GSG1L2: variants seen among roughly 807,000 people sequenced by gnomAD.
GSG1L2 encodes the protein GSG1 like 2.
Under a neutral mutation model 9.0 loss-of-function variants are expected in GSG1L2, and 15 were observed. The ratio of observed to expected loss-of-function variants is 1.67; its 90% CI spans 1.12 to 2.57. The LOEUF (loss-of-function observed/expected upper bound fraction) is 2.57, where lower values mean the gene tolerates loss of function less well. GSG1L2 is among the 30% of genes most tolerant of loss of function. GSG1L2 has a pLI of 0.00. For synonymous variants in GSG1L2, 127 were observed against 57.9 expected, an observed-to-expected ratio of 2.19 and a Z score of -5.41; for missense variants, 286 against 150.3, an observed-to-expected ratio of 1.90 and a Z score of -4.72.
chr17:9,803,399 G>A (rs894295418), intron 4 of GSG1L2, among the ~76,000 whole-genome samples: 7 of 152,154 alleles, frequency 4.6e-5, no homozygotes, highest in Non-Finnish European at 1.0e-4. Flanking sequence ...CACCGCGCCC[G>A]ACCAGCATCA....
Position 9,820,786 on chromosome 17 carries a change from G to A in GSG1L2, c.310+976C>T, listed in dbSNP as rs2066586121. Among the ~76,000 whole-genome samples, 1 of 151,820 alleles carries A rather than the reference G, an allele frequency of 6.6e-6. No individual in the cohort carries two copies. Among genetic ancestry groups the A allele is most frequent in the African/African-American group, 2.4e-5 (1 of 41,308 alleles). ...CAAGTGATCCTCCCAGAGTAGCTGG[G>A]ACCACAGGCACACCCCACCATGTCC... On this transcript the variant is annotated intron_variant, in intron 1 of 4. Transcript: ENST00000399363. The surrounding 1 kb of genome is among the most constrained non-coding windows in gnomAD (Gnocchi z 4.9).
chr17:9,816,503 CCTGT>C (rs1319198953), intron 1 of GSG1L2, among the ~76,000 whole-genome samples: 3 of 113,260 alleles, frequency 2.6e-5, no homozygotes, highest in Non-Finnish European at 5.3e-5. Context: ...TCTGTGTGTG[CCTGT>C]CTGTGTGTGC....
At chr17:9,817,674 C>T (rs548132798) in intron 1 of GSG1L2, among the ~76,000 whole-genome samples, 1 of 152,256 alleles carries the variant, frequency 6.6e-6, no homozygotes, top group South Asian at 2.1e-4. Context: ...ATCTGCCCTC[C>T]TTAGCCTCAC....
chr17:9,810,547 G>A (rs1204556244), intron 2 of GSG1L2, 24 bp downstream of exon 2: 1 of 702,864 alleles, frequency 1.4e-6, no homozygotes. Context: ...GTGCTAGTGG[G>A]CAGAGTGTGA....
intron 4 of GSG1L2, among the ~76,000 whole-genome samples, chr17:9,806,511 T>C (rs543295151): frequency 1.2e-3 from 177 of 152,188 alleles, no homozygotes; most frequent in Non-Finnish European, 2.0e-3. Context: ...TTGAAAGTAA[T>C]AGAAAACAAA....
At chr17:9,806,782 C>T (rs893474563) in intron 4 of GSG1L2, among the ~76,000 whole-genome samples, 3 of 152,114 alleles carry the variant, frequency 2.0e-5, no homozygotes, top group Non-Finnish European at 2.9e-5. Flanking sequence ...CCCAGAGAAA[C>T]ATTTGTAAAA....
At chr17:9,809,160 T>C (rs1477511824) in intron 2 of GSG1L2, 178 bp from the exon 3 acceptor site, 9 of 590,614 alleles carry the variant, frequency 1.5e-5, no homozygotes, top group Admixed American at 2.8e-5. Flanking sequence ...TCCTCAGGGC[T>C]GAAAGAGACG....
intron 1 of GSG1L2, among the ~76,000 whole-genome samples, chr17:9,819,344 A>G (rs1434283881): frequency 2.0e-5 from 3 of 152,252 alleles, no homozygotes. Flanking sequence ...TAGGAAGATG[A>G]CAGAGGGTAT....
At position 9,807,486 on chromosome 17, in the gene GSG1L2, T is replaced by G; in HGVS notation, c.623+4A>C. 6 of 702,866 alleles carry G rather than the reference T, an allele frequency of 8.5e-6. No individual in the cohort carries two copies. The highest frequency in any genetic ancestry group is 1.3e-5 in the Non-Finnish European group (5 of 384,906). 43.5% of individuals were successfully genotyped at this position (702,866 alleles called of 1,614,324 possible). A position where few individuals can be genotyped will look rare whatever the true frequency, so the allele number is the denominator to read the frequency against. On this transcript the variant is annotated splice_donor_region_variant and intron_variant, in intron 4 of 4. Transcript: ENST00000399363. ...GACTTCAGCACCATGACCAAGCAAC[T>G]TACCAATATGACCAGCCATAGTCCC...
chr17:9,821,664 C>T (rs2066590195), intron 1 of GSG1L2, 98 bp downstream of exon 1: 3 of 654,018 alleles, frequency 4.6e-6, no homozygotes, highest in Non-Finnish European at 8.4e-6. Context: ...GCACCTGTTA[C>T]CCCCAGAATC....
Position 9,801,777 on chromosome 17 carries a change from T to C in GSG1L2, c.*609A>G, listed in dbSNP as rs2066497739. ...GATAAGATGTCATTCCATTTGACTG[T>C]GTTTTCATTTCTATCATTCGACTGT... On this transcript the variant is annotated 3_prime_UTR_variant, in exon 5 of 5. Transcript: ENST00000399363. 6.6e-6 allele frequency among the ~76,000 whole-genome samples: 1 copy of C among 152,280 alleles called. No homozygotes were observed. The highest frequency in any genetic ancestry group is 1.5e-5 in the Non-Finnish European group (1 of 68,052).
At chr17:9,810,676 A>G (rs1251566874) in intron 1 of GSG1L2, 58 bp from the exon 2 acceptor site, 4 of 702,344 alleles carry the variant, frequency 5.7e-6, no homozygotes, top group Admixed American at 4.0e-5. Context: ...CAGGGGGCAA[A>G]TGGTGAATTT....
intron 1 of GSG1L2, among the ~76,000 whole-genome samples, chr17:9,816,727 G>GTGTGTGCA (rs2066566003): frequency 7.1e-6 from 1 of 141,548 alleles, no homozygotes; most frequent in East Asian, 2.1e-4. Flanking sequence ...ATCTGTGTCT[G>GTGTGTGCA]TGTGTGCATG....
In GSG1L2 at chr17:9,821,995, A is replaced by G; in HGVS notation, c.77T>C (p.Val26Ala). 1.4e-6 allele frequency: 1 copy of G among 703,052 alleles called. No homozygotes were observed. The highest frequency in any genetic ancestry group is 2.6e-6 in the Non-Finnish European group (1 of 385,004). 43.6% of individuals were successfully genotyped at this position (703,052 alleles called of 1,614,324 possible). A position where few individuals can be genotyped will look rare whatever the true frequency, so the allele number is the denominator to read the frequency against. ...CCCCTCACACCAGTGGCTGCTGACC[A>G]CGGCGGTGAGGGAGAAGGTGAGGGC... ...CLALTFSLTAVVSSHWCEGTR... is the reference protein window; with the variant it reads ...CLALTFSLTAAVSSHWCEGTR... Residue 26 changes from valine (V) to alanine (A), a missense_variant, in exon 1 of 5, where the codon GTG becomes GCG. Transcript: ENST00000399363.
intron 2 of GSG1L2, 174 bp downstream of exon 2, chr17:9,810,397 C>T (rs4791874): frequency 0.69 from 412,530 of 596,054 alleles, 144,167 homozygotes; most frequent in East Asian, 0.86. Context: ...CATTTGCCAG[C>T]ACACCACTGG....
In GSG1L2 at chr17:9,802,458, A is replaced by C. The variant is rs966634335; in HGVS notation, c.810T>G (p.Pro270=). The change falls in exon 5 of 5, where the codon CCT becomes CCG. Residue 270 remains proline, a synonymous_variant. Transcript: ENST00000399363. ...AAACATTCCTGAAGGCTTGTTCAGCAGGGCAAGGAGCAGCTCCTGTTTTCC... is the reference window on the plus strand; with the variant it reads ...AAACATTCCTGAAGGCTTGTTCAGCCGGGCAAGGAGCAGCTCCTGTTTTCC... ...SIWKTGAAPC[P]AEQAFRNVSG... The C allele has an allele frequency of 1.7e-5, 12 of 701,916 alleles. No homozygotes were observed. The highest frequency in any genetic ancestry group is 2.9e-5 in the Non-Finnish European group (11 of 384,502). 43.5% of individuals were successfully genotyped at this position (701,916 alleles called of 1,614,324 possible). A position where few individuals can be genotyped will look rare whatever the true frequency, so the allele number is the denominator to read the frequency against.
chr17:9,815,789 A>C (rs2066557181), intron 1 of GSG1L2, among the ~76,000 whole-genome samples: 1 of 152,198 alleles, frequency 6.6e-6, no homozygotes, highest in Non-Finnish European at 1.5e-5. Context: ...AGTCAGACAG[A>C]GGTTGCTATG....
chr17:9,809,369 G>C (rs2066529793), intron 2 of GSG1L2: 1 of 287,114 alleles, frequency 3.5e-6, no homozygotes, highest in Non-Finnish European at 6.8e-6. Flanking sequence ...CCTTCGCAGT[G>C]AGTGTTACAG....
At chr17:9,816,517 CGT>C (rs1216302435) in intron 1 of GSG1L2, among the ~76,000 whole-genome samples, 1 of 41,102 alleles carries the variant, frequency 2.4e-5, no homozygotes, top group Non-Finnish European at 4.4e-5. Context: ...TCTGTGTGTG[CGT>C]GTCTGTGTCT....
Sources: gnomAD v4.1 joint callset for allele counts (sites outside exome capture counted in the v4.1 genomes callset) on GRCh38, gnomAD v4.1.1 for gene constraint, Gnocchi (gnomAD v3.1) non-coding constraint, MANE v1.5 for transcripts, NCBI Gene and HGNC (gene_info 2026-07-23, HGNC 2026-07-21) for gene names.